The following EYA4 variants were observed in gnomAD, a reference collection of about 807,000 sequenced individuals.
The protein encoded by EYA4 is protein phosphatase EYA4.
EYA4 carries 31 observed loss-of-function variants against 87.9 expected under a neutral mutation model. That is an observed-to-expected ratio of 0.35 (90% CI 0.27 to 0.48). EYA4 has a LOEUF of 0.48. Ranked by LOEUF, EYA4 falls within the 20% of genes least tolerant of loss-of-function variation. The pLI, the probability that EYA4 is intolerant of heterozygous loss-of-function variation, is 0.99. For missense variants in EYA4, 678 were observed against 761.4 expected (o/e 0.89, Z 1.29); for synonymous variants, 263 against 270.6 (o/e 0.97, Z 0.28).
At chr6:133,415,852 A>G (rs950718575) in intron 3 of EYA4, among the ~76,000 whole-genome samples, 2 of 152,208 alleles carry the variant, frequency 1.3e-5, no homozygotes, top group African/African-American at 4.8e-5. Context: ...AAACAGACAC[A>G]CAACAAGTAT....
At chr6:133,397,967 C>T (rs1450980747) in intron 3 of EYA4, among the ~76,000 whole-genome samples, 3 of 152,198 alleles carry the variant, frequency 2.0e-5, no homozygotes, top group Non-Finnish European at 4.4e-5. Context: ...GATGGGGACA[C>T]AGACAAACCA....
intron 3 of EYA4, among the ~76,000 whole-genome samples, chr6:133,411,695 T>C (rs1789254955): frequency 6.6e-6 from 1 of 152,252 alleles, no homozygotes; most frequent in Non-Finnish European, 1.5e-5. Flanking sequence ...ATTTGCATAA[T>C]ATATCAGAGC....
chr6:133,351,836 G>T (rs1783663729), intron 2 of EYA4, among the ~76,000 whole-genome samples: 1 of 152,088 alleles, frequency 6.6e-6, no homozygotes, highest in Admixed American at 6.6e-5. Context: ...GGAACCTAAT[G>T]AACCCTTATG....
chr6:133,268,195 G>A (rs1389850676), intron 1 of EYA4, among the ~76,000 whole-genome samples: 2 of 151,812 alleles, frequency 1.3e-5, no homozygotes, highest in Admixed American at 6.6e-5. Flanking sequence ...TTTAAACTTC[G>A]CCTCACTAAT....
At chr6:133,390,913 T>C (rs989080010) in intron 3 of EYA4, among the ~76,000 whole-genome samples, 1 of 152,104 alleles carries the variant, frequency 6.6e-6, no homozygotes, top group Non-Finnish European at 1.5e-5. Context: ...TAGCTGAATG[T>C]CAAAGAATAG....
chr6:133,261,511 T>C (rs928494923), intron 1 of EYA4, among the ~76,000 whole-genome samples: 3 of 152,202 alleles, frequency 2.0e-5, no homozygotes, highest in Non-Finnish European at 4.4e-5. Context: ...TTTGATGTTA[T>C]ACAGAATGAC....
intron 1 of EYA4, among the ~76,000 whole-genome samples, chr6:133,273,095 A>ATG (rs1277100105): frequency 9.0e-5 from 10 of 111,540 alleles, no homozygotes; most frequent in African/African-American, 3.3e-4. Context: ...AGATATATAT[A>ATG]TGTATATATA....
At chr6:133,377,607 G>A (rs1297980550) in intron 2 of EYA4, among the ~76,000 whole-genome samples, 2 of 148,378 alleles carry the variant, frequency 1.3e-5, no homozygotes, top group Admixed American at 1.4e-4. Context: ...GGGTGGTGGC[G>A]GAGGTGGATG....
intron 2 of EYA4, among the ~76,000 whole-genome samples, chr6:133,299,991 C>A (rs1779273705): frequency 6.7e-6 from 1 of 150,364 alleles, no homozygotes; most frequent in Non-Finnish European, 1.5e-5. Context: ...CCCCACAACC[C>A]AACTACTAAT....
chr6:133,373,667 T>C (rs1013687507), intron 2 of EYA4, among the ~76,000 whole-genome samples: 4 of 152,084 alleles, frequency 2.6e-5, no homozygotes, highest in African/African-American at 9.7e-5. Context: ...AAAGCATTTA[T>C]CCATCTTTCT....
intron 2 of EYA4, among the ~76,000 whole-genome samples, chr6:133,286,996 T>C (rs73776019): frequency 0.045 from 6,910 of 152,194 alleles, 365 homozygotes; most frequent in African/African-American, 0.13. Flanking sequence ...TCCTTTGTTG[T>C]GACAATAAAA....
At chr6:133,443,910 TC>T (rs1262870171) in intron 3 of EYA4, among the ~76,000 whole-genome samples, 1 of 152,202 alleles carries the variant, frequency 6.6e-6, no homozygotes, top group Admixed American at 6.5e-5. Context: ...TTAAAATCTA[TC>T]AATATTTACT....
chr6:133,481,419 T>C (rs769790105), intron 11 of EYA4, 44 bp from the exon 12 acceptor site: 16 of 1,595,582 alleles, frequency 1.0e-5, no homozygotes, highest in Non-Finnish European at 1.4e-5. Flanking sequence ...ATACTTGATC[T>C]AAAAATGAAG....
chr6:133,531,361 T>A lies in EYA4; in HGVS notation c.*2556T>A. 3.2e-6 allele frequency: 2 copies of A among 616,292 alleles called. No individual in the cohort carries two copies. Among genetic ancestry groups the A allele is most frequent in the Non-Finnish European group, 5.4e-6 (2 of 368,338 alleles). The allele number at this position is 616,292 out of a possible 1,614,324, so 38.2% of individuals were successfully genotyped here. A position where few individuals can be genotyped will look rare whatever the true frequency, so the allele number is the denominator to read the frequency against. On this transcript the variant is annotated 3_prime_UTR_variant, in exon 20 of 20. Transcript: ENST00000355286. ...AACTCTTCCCTTCCCACCTTAGGAATAGAAAATCCTCTTCCTTTCTAATCT... is the reference window on the plus strand; with the variant it reads ...AACTCTTCCCTTCCCACCTTAGGAAAAGAAAATCCTCTTCCTTTCTAATCT...
At chr6:133,312,299 C>T (rs1780282908) in intron 2 of EYA4, among the ~76,000 whole-genome samples, 1 of 151,560 alleles carries the variant, frequency 6.6e-6, no homozygotes, top group South Asian at 2.1e-4. Context: ...TGGTTAAGCA[C>T]TTGGGTGGAT....
chr6:133,526,557 G>C (rs191244775), intron 19 of EYA4, among the ~76,000 whole-genome samples: 1 of 152,166 alleles, frequency 6.6e-6, no homozygotes, highest in Non-Finnish European at 1.5e-5. Flanking sequence ...CTTGCTTTTC[G>C]ATTACATTTA....
chr6:133,356,524 A>G (rs1019134523), intron 2 of EYA4, among the ~76,000 whole-genome samples: 15 of 152,058 alleles, frequency 9.9e-5, no homozygotes, highest in Admixed American at 2.6e-4. Flanking sequence ...ATTTATAACT[A>G]TTGTTATGAA....
At chr6:133,453,671 G>C (rs530859620) in intron 5 of EYA4, 3 of 152,074 alleles carry the variant, frequency 2.0e-5, no homozygotes, top group African/African-American at 7.2e-5. Context: ...TTCTGTGACA[G>C]AATAAATGTT....
chr6:133,259,657 T>C (rs1259794757), intron 1 of EYA4, among the ~76,000 whole-genome samples: 1 of 152,222 alleles, frequency 6.6e-6, no homozygotes, highest in Non-Finnish European at 1.5e-5. Flanking sequence ...TTTAATTACA[T>C]TCTTAATTAG....
Sources: gnomAD v4.1 joint callset for allele counts (sites outside exome capture counted in the v4.1 genomes callset) on GRCh38, gnomAD v4.1.1 for gene constraint, MANE v1.5 for transcripts, NCBI Gene and HGNC (gene_info 2026-07-23, HGNC 2026-07-21) for gene names.